Variants in TRAPPC6B observed in about 807,000 individuals in gnomAD.
The protein encoded by TRAPPC6B is TRAPP complex subunit 6B.
TRAPPC6B carries 27 observed loss-of-function variants against 24.7 expected under a neutral mutation model. That is an observed-to-expected ratio of 1.09 (90% CI 0.81 to 1.51). The LOEUF (loss-of-function observed/expected upper bound fraction) is 1.51. TRAPPC6B is among the 40% of genes most tolerant of loss of function. The pLI is 0.00. For missense variants in TRAPPC6B, 212 were observed against 190.8 expected (o/e 1.11, Z -0.66); for synonymous variants, 80 against 66.6 (o/e 1.20, Z -0.98).
chr14:39,157,663 G>A, intron 3 of TRAPPC6B: 1 of 336,752 alleles, frequency 3.0e-6, no homozygotes, highest in African/African-American at 2.2e-5. Flanking sequence ...CCGCACCACT[G>A]TCGCCTTTAC....
chr14:39,170,172 G>T lies in TRAPPC6B; in HGVS notation c.-77C>A. On this transcript the variant is annotated 5_prime_UTR_variant, in exon 1 of 6. Transcript: ENST00000330149. Reference sequence around the variant, plus strand: ...TGGGGGTTCCAGCTCGCGCCTCAGCGACTTCGCCGGCGCCGCGGCTCCGTC... The same window carrying T: ...TGGGGGTTCCAGCTCGCGCCTCAGCTACTTCGCCGGCGCCGCGGCTCCGTC... 2 of 1,462,492 alleles carry T rather than the reference G, an allele frequency of 1.4e-6. No individual in the cohort carries two copies. Among genetic ancestry groups the T allele is most frequent in the East Asian group, 2.3e-5 (1 of 43,954 alleles). The allele number at this position is 1,462,492 out of a possible 1,614,324, so 90.6% of individuals were successfully genotyped here.
intron 3 of TRAPPC6B, chr14:39,157,910 C>A (rs191689731): frequency 0.015 from 2,342 of 153,612 alleles, 68 homozygotes; most frequent in African/African-American, 0.053. Context: ...AATCCAAATT[C>A]TTCTTCTTCA....
At chr14:39,156,444 T>A (rs1307875056) in intron 3 of TRAPPC6B, among the ~76,000 whole-genome samples, 1 of 152,162 alleles carries the variant, frequency 6.6e-6, no homozygotes, top group Non-Finnish European at 1.5e-5. Context: ...TAAAATCTAA[T>A]GAAGCTGGGA....
At chr14:39,154,399 G>T in intron 3 of TRAPPC6B, 105 bp from the exon 4 acceptor site, 1 of 744,402 alleles carries the variant, frequency 1.3e-6, no homozygotes, top group Non-Finnish European at 2.1e-6. Flanking sequence ...GTTATTAAAA[G>T]TCTCCTTCCC....
chr14:39,160,752 C>A (rs1226134534), intron 1 of TRAPPC6B, among the ~76,000 whole-genome samples: 1 of 152,120 alleles, frequency 6.6e-6, no homozygotes, highest in East Asian at 1.9e-4. Context: ...ACTTAGGAGA[C>A]CAACCACAAC....
At chr14:39,158,719 CTT>C (rs1354250904) in intron 2 of TRAPPC6B, 1 of 182,530 alleles carries the variant, frequency 5.5e-6, no homozygotes, top group African/African-American at 2.4e-5. Flanking sequence ...CAGGGTTCCA[CTT>C]TGTTACCCTG....
rs144205574 is a variant in TRAPPC6B, at chr14:39,151,847, GA to G, written c.352-9del. ...ACACGTAAATGCTAAATACTAAAAG[GA>G]AAAAAAATCATTAAAAATAGTAAGG... On this transcript the variant is annotated splice_polypyrimidine_tract_variant and intron_variant, in intron 4 of 5. Transcript: ENST00000330149. 76 of 1,558,670 alleles carry G rather than the reference GA, an allele frequency of 4.9e-5. No individual in the cohort carries two copies. In the African/African-American group the frequency reaches 6.0e-4, roughly 12 times the overall value.
rs372232459 is a variant in TRAPPC6B, at chr14:39,162,236, T to C, written c.82-2686A>G. ...AGTGCACTGGCGAGATCATGGTTCA[T>C]TGAAGCTTTAAATTCCTGGGTTCAA... is the stretch of plus-strand genomic sequence containing the variant. On this transcript the variant is annotated intron_variant, in intron 1 of 5. Transcript: ENST00000330149. Among the ~76,000 whole-genome samples, 7 of 152,252 alleles carry C rather than the reference T, an allele frequency of 4.6e-5. No homozygotes were observed. The East Asian group carries it at 5.8e-4, about 13-fold the overall frequency.
intron 1 of TRAPPC6B, among the ~76,000 whole-genome samples, chr14:39,161,241 C>T (rs2139385465): frequency 6.6e-6 from 1 of 152,308 alleles, no homozygotes; most frequent in East Asian, 1.9e-4. Context: ...TCAGACTTAG[C>T]TCCAAATGTT....
Position 39,149,010 on chromosome 14 carries a change from T to G in TRAPPC6B, c.*1340A>C. 1 of 349,656 alleles carries G rather than the reference T, an allele frequency of 2.9e-6. No homozygotes were observed. The highest frequency in any genetic ancestry group is 5.1e-6 in the Non-Finnish European group (1 of 195,874). 21.7% of individuals were successfully genotyped at this position (349,656 alleles called of 1,614,324 possible). ...AGAAGGTACAGTAAAAATACAGTAT[T>G]GTAATCTTATGGAACCACTGCCATA... is the stretch of plus-strand genomic sequence containing the variant. On this transcript the variant is annotated 3_prime_UTR_variant, in exon 6 of 6. Coordinates refer to ENST00000330149, the MANE Select transcript of TRAPPC6B (RefSeq NM_001079537.2).
intron 1 of TRAPPC6B, among the ~76,000 whole-genome samples, chr14:39,162,699 A>C (rs1458589573): frequency 6.6e-6 from 1 of 152,170 alleles, no homozygotes; most frequent in Non-Finnish European, 1.5e-5. Flanking sequence ...TCAGTGTCTT[A>C]GCTGATTATC....
chr14:39,164,080 A>G (rs2053084157), intron 1 of TRAPPC6B, among the ~76,000 whole-genome samples: 1 of 151,632 alleles, frequency 6.6e-6, no homozygotes, highest in Non-Finnish European at 1.5e-5. Context: ...AAGCCTTATC[A>G]TTTCTCTCCT....
chr14:39,167,724 A>G (rs2053122625), intron 1 of TRAPPC6B, among the ~76,000 whole-genome samples: 1 of 152,130 alleles, frequency 6.6e-6, no homozygotes. Context: ...CCCATCATAA[A>G]TACACTGCAG....
chr14:39,168,260 G>A (rs2139391983), intron 1 of TRAPPC6B, among the ~76,000 whole-genome samples: 1 of 151,872 alleles, frequency 6.6e-6, no homozygotes, highest in South Asian at 2.1e-4. Context: ...AGGTAAGAAG[G>A]GAGGGGAGAA....
chr14:39,154,260 A>C lies in TRAPPC6B; in HGVS notation c.302T>G (p.Leu101Arg), dbSNP rs1288972702. The part of the protein sequence containing the change: ...IYVLQDNKFR[L>R]LTQMSAGKQY... Reference sequence around the variant, plus strand: ...TTTTCCTGCAGACATCTGAGTAAGCAGGCGAAATTTGTTGTCCTGAAGTAC... The same window carrying C: ...TTTTCCTGCAGACATCTGAGTAAGCCGGCGAAATTTGTTGTCCTGAAGTAC... The change falls in exon 4 of 6, where the codon CTG becomes CGG. Residue 101 changes from leucine to arginine, a missense_variant. Coordinates refer to ENST00000330149, the MANE Select transcript of TRAPPC6B (RefSeq NM_001079537.2). 2 of 1,613,432 alleles carry C rather than the reference A, an allele frequency of 1.2e-6. No homozygotes were observed.
chr14:39,154,610 G>T (rs374578704), intron 3 of TRAPPC6B, among the ~76,000 whole-genome samples: 2 of 152,174 alleles, frequency 1.3e-5, no homozygotes, highest in African/African-American at 4.8e-5. Context: ...TGTACAGATG[G>T]GGTTTCGCCA....
Position 39,154,233 on chromosome 14 carries a change from T to C in TRAPPC6B, c.329A>G (p.Gln110Arg). 6.2e-7 allele frequency: 1 copy of C among 1,612,592 alleles called. No individual in the cohort carries two copies. Among genetic ancestry groups the C allele is most frequent in the Non-Finnish European group, 8.5e-7 (1 of 1,178,910 alleles). Residue 110 changes from glutamine (Q) to arginine (R), a missense_variant, in exon 4 of 6, where the codon CAG becomes CGG. By Grantham distance (43) the Gln-to-Arg change is conservative. Transcript: ENST00000330149. Reference protein sequence around the residue: ...RLLTQMSAGKQYLEHASKYLA... With the variant: ...RLLTQMSAGKRYLEHASKYLA... ...TACCTTAGATGCATGTTCTAAATAC[T>C]GTTTTCCTGCAGACATCTGAGTAAG... is the stretch of plus-strand genomic sequence containing the variant.
At position 39,158,285 on chromosome 14, in the gene TRAPPC6B, C is replaced by T. The variant is rs1309347470; in HGVS notation, c.267G>A (p.Gln89=). The T allele has an allele frequency of 1.3e-6, 2 of 1,519,460 alleles. No individual in the cohort carries two copies. Among genetic ancestry groups the T allele is most frequent in the Non-Finnish European group, 1.8e-6 (2 of 1,116,136 alleles). The allele number at this position is 1,519,460 out of a possible 1,614,324, so 94.1% of individuals were successfully genotyped here. A position where few individuals can be genotyped will look rare whatever the true frequency, so the allele number is the denominator to read the frequency against. The change falls in exon 3 of 6, where the codon CAG becomes CAA. Residue 89 remains glutamine, a splice_region_variant and synonymous_variant. Transcript: ENST00000330149. ...KQIDNLRTNH[Q]GIYVLQDNKF... Reference sequence around the variant, plus strand: ...TATAGGCCTTAATTAATTTAATTACCTGATGATTTGTCCTTAGATTGTCGA... The same window carrying T: ...TATAGGCCTTAATTAATTTAATTACTTGATGATTTGTCCTTAGATTGTCGA...
At chr14:39,164,812 G>A (rs746773408) in intron 1 of TRAPPC6B, among the ~76,000 whole-genome samples, 3 of 152,118 alleles carry the variant, frequency 2.0e-5, no homozygotes, top group Non-Finnish European at 4.4e-5. Flanking sequence ...ACTCTAGACC[G>A]GGCAACAGAG....
Sources: gnomAD v4.1 joint callset for allele counts (sites outside exome capture counted in the v4.1 genomes callset) on GRCh38, gnomAD v4.1.1 for gene constraint, MANE v1.5 for transcripts, NCBI Gene and HGNC (gene_info 2026-07-23, HGNC 2026-07-21) for gene names.